The following SFXN5 variants were observed in gnomAD, a reference collection of about 807,000 sequenced individuals.
SFXN5 encodes the protein sideroflexin-5.
SFXN5 carries 43 observed loss-of-function variants against 50.2 expected under a neutral mutation model. The ratio of observed to expected loss-of-function variants is 0.86; its 90% CI spans 0.67 to 1.11. The LOEUF is 1.11. SFXN5 is among the 50% of genes least tolerant of loss of function. The pLI, the probability that SFXN5 is intolerant of heterozygous loss-of-function variation, is 0.00. For synonymous variants in SFXN5, 203 were observed against 185.8 expected (o/e 1.09, Z -0.75); for missense variants, 463 against 454.1 (o/e 1.02, Z -0.18).
intron 6 of SFXN5, among the ~76,000 whole-genome samples, chr2:73,016,041 T>C (rs1676110629): frequency 6.6e-6 from 1 of 152,250 alleles, no homozygotes; most frequent in South Asian, 2.1e-4. Context: ...AGTCTTTAAA[T>C]GTATTGCCTT....
chr2:72,990,927 G>C (rs956456501), intron 9 of SFXN5, among the ~76,000 whole-genome samples: 1 of 152,218 alleles, frequency 6.6e-6, no homozygotes, highest in African/African-American at 2.4e-5. Context: ...CTGCAGGGAA[G>C]ATAGGGCCCT....
At chr2:72,968,619 C>A (rs1674760778) in intron 11 of SFXN5, 86 bp from the exon 12 acceptor site, 1 of 1,259,732 alleles carries the variant, frequency 7.9e-7, no homozygotes. Context: ...GTGTGTGCCA[C>A]CACAACGCAT....
At chr2:73,051,348 TC>T (rs1681297355) in intron 2 of SFXN5, among the ~76,000 whole-genome samples, 1 of 150,586 alleles carries the variant, frequency 6.6e-6, no homozygotes, top group Non-Finnish European at 1.5e-5. Context: ...AACCTCTGCT[TC>T]CCGGGTTCAA....
chr2:73,053,195 A>C (rs940896696), intron 2 of SFXN5: 1 of 154,278 alleles, frequency 6.5e-6, no homozygotes, highest in African/African-American at 2.4e-5. Context: ...AAAGGAAAAA[A>C]AAATCCCCCA....
chr2:73,065,778 C>A (rs1016958060), intron 1 of SFXN5, among the ~76,000 whole-genome samples: 3 of 152,172 alleles, frequency 2.0e-5, no homozygotes, highest in African/African-American at 7.2e-5. Context: ...TGATCTCGAA[C>A]TCCTGTCATC....
rs1000321226 is a variant in SFXN5 at position 73,024,231 on chromosome 2, T to C, written c.250-1017A>G. ...TAGAGACGGGGTTTCACCATGTTGG[T>C]AAGGCTGGTCTTGAACTCCTGACCT... is the stretch of plus-strand genomic sequence containing the variant. On this transcript the variant is annotated intron_variant, in intron 3 of 13. Transcript: ENST00000272433. Among the ~76,000 whole-genome samples, 3 of 152,042 alleles carry C rather than the reference T, an allele frequency of 2.0e-5. No homozygotes were observed. In the South Asian group the frequency reaches 6.2e-4, roughly 32 times the overall value.
chr2:73,045,338 C>T (rs907610362), intron 2 of SFXN5, among the ~76,000 whole-genome samples: 2 of 152,132 alleles, frequency 1.3e-5, no homozygotes, highest in Non-Finnish European at 2.9e-5. Flanking sequence ...CCCAAAGCCC[C>T]CCCAGAACTG....
At position 73,060,913 on chromosome 2, in the gene SFXN5, G is replaced by C. The variant is rs1025469722; in HGVS notation, c.103-2317C>G. On this transcript the variant is annotated intron_variant, in intron 1 of 13. Coordinates refer to ENST00000272433, the MANE Select transcript of SFXN5 (RefSeq NM_144579.3). ...AGACAGGGTTTCACCATGTTAGCCA[G>C]GATGGTCTCGATCTCCTGACCTCAT... Among the ~76,000 whole-genome samples the C allele has an allele frequency of 2.6e-5, 4 of 151,856 alleles. No homozygotes were observed. The South Asian group carries it at 8.3e-4, about 32-fold the overall frequency.
Position 73,040,942 on chromosome 2 carries a change from A to C in SFXN5, c.172-11T>G. The C allele has an allele frequency of 1.2e-6, 2 of 1,610,616 alleles. No homozygotes were observed. Among genetic ancestry groups the C allele is most frequent in the African/African-American group, 1.3e-5 (1 of 74,972 alleles). On this transcript the variant is annotated splice_polypyrimidine_tract_variant and intron_variant, in intron 2 of 13. Transcript: ENST00000272433. Reference sequence around the variant, plus strand: ...CTCTCTGAGACGTCTCTGCAGAAGAAAGAAAAGAGACATTGAGGGGCACAG... The same window carrying C: ...CTCTCTGAGACGTCTCTGCAGAAGACAGAAAAGAGACATTGAGGGGCACAG...
intron 2 of SFXN5, chr2:73,048,986 T>G (rs1680879014): frequency 6.6e-6 from 1 of 152,262 alleles, no homozygotes; most frequent in South Asian, 2.1e-4. Context: ...TTAATGATCC[T>G]GGACAGAATC....
rs1320922916 is a variant in SFXN5 at position 72,953,031 on chromosome 2, G to A, written c.946-7932C>T. Among the ~76,000 whole-genome samples the A allele has an allele frequency of 6.6e-6, 1 of 152,244 alleles. No homozygotes were observed. The highest frequency in any genetic ancestry group is 2.4e-5 in the African/African-American group (1 of 41,472). ...AAAAAAGAACTGTGGGGGAAAGGCT[G>A]TCAGGCAGCCCCGCCGAGGCCTGCC... On this transcript the variant is annotated intron_variant, in intron 13 of 13. Transcript: ENST00000272433. This position sits in a 1 kb window ranked among gnomAD's most constrained non-coding sequence, Gnocchi z 4.1.
intron 2 of SFXN5, among the ~76,000 whole-genome samples, chr2:73,055,578 G>C (rs1361521688): frequency 1.3e-5 from 2 of 151,250 alleles, no homozygotes; most frequent in Admixed American, 1.3e-4. Flanking sequence ...GAGAGGGGTG[G>C]ATTTCTTTTT....
At chr2:73,023,059 G>C (rs1297091330) in intron 4 of SFXN5, 129 bp downstream of exon 4, 2 of 823,942 alleles carry the variant, frequency 2.4e-6, no homozygotes, top group Non-Finnish European at 3.8e-6. Context: ...GAAGGGGTGA[G>C]GGGGCCAAGG....
intron 9 of SFXN5, chr2:72,997,343 A>G (rs1035953509): frequency 1.3e-5 from 2 of 152,206 alleles, no homozygotes; most frequent in Non-Finnish European, 2.9e-5. Flanking sequence ...ATTATACAGT[A>G]TTTACTTAAT....
At chr2:72,959,612 GC>G (rs935406072) in intron 13 of SFXN5, among the ~76,000 whole-genome samples, 3 of 151,794 alleles carry the variant, frequency 2.0e-5, no homozygotes, top group African/African-American at 7.3e-5. Context: ...CCTACCCCCA[GC>G]AGCATTTTCC....
intron 13 of SFXN5, among the ~76,000 whole-genome samples, chr2:72,949,199 G>A (rs1179934061): frequency 6.6e-6 from 1 of 152,202 alleles, no homozygotes; most frequent in African/African-American, 2.4e-5. Flanking sequence ...AAATGTGGCA[G>A]GAAATGGAGG....
At chr2:73,023,385 G>A (rs181235302) in intron 3 of SFXN5, among the ~76,000 whole-genome samples, 171 bp from the exon 4 acceptor site, 3 of 152,268 alleles carry the variant, frequency 2.0e-5, no homozygotes, top group East Asian at 3.9e-4. Flanking sequence ...CCTGGGGGGG[G>A]TGACATCAGA....
chr2:73,042,993 G>C (rs913049305), intron 2 of SFXN5, among the ~76,000 whole-genome samples: 3 of 152,142 alleles, frequency 2.0e-5, no homozygotes, highest in African/African-American at 7.2e-5. Flanking sequence ...ATTTGAACCT[G>C]GGGGGCAAAG....
Position 73,047,253 on chromosome 2 carries a change from T to TATATATATATATATATACACACAC in SFXN5, c.172-6323_172-6322insGTGTGTGTATATATATATATATAT, listed in dbSNP as rs1559199640. Among the ~76,000 whole-genome samples, 46 of 45,100 alleles carry TATATATATATATATATACACACAC rather than the reference T, an allele frequency of 1.0e-3. 1 individual carries two copies. Among genetic ancestry groups the TATATATATATATATATACACACAC allele is most frequent in the Non-Finnish European group, 1.7e-3 (41 of 23,570 alleles). 29.6% of individuals were successfully genotyped at this position (45,100 alleles called of 152,430 possible). ...AAAAAAAAAAAAAAAAAAATATATA[T>TATATATATATATATATACACACAC]ATATATATATATATATATATATACA... On this transcript the variant is annotated intron_variant, in intron 2 of 13. Transcript: ENST00000272433.
Sources: allele counts gnomAD v4.1 joint callset (sites outside exome capture counted in the v4.1 genomes callset), GRCh38; gene constraint gnomAD v4.1.1; non-coding constraint Gnocchi (gnomAD v3.1); transcripts MANE v1.5; gene names NCBI Gene and HGNC (gene_info 2026-07-23, HGNC 2026-07-21).